Variants in RPTOR observed in about 807,000 individuals in gnomAD.
RPTOR encodes the protein regulatory-associated protein of mTOR.
In RPTOR, 21 loss-of-function variants were observed where a neutral mutation model predicts 169.9. The ratio of observed to expected loss-of-function variants is 0.12; its 90% CI spans 0.09 to 0.18. The LOEUF is 0.18. RPTOR is among the 10% of genes least tolerant of loss of function. The pLI, the probability that RPTOR is intolerant of heterozygous loss-of-function variation, is 1.00. For synonymous variants in RPTOR, 732 were observed against 753.2 expected, an observed-to-expected ratio of 0.97 and a Z score of 0.46; for missense variants, 1,133 against 1,855.9, an observed-to-expected ratio of 0.61 and a Z score of 7.16.
At chr17:80,563,521 C>T (rs868186901) in intron 1 of RPTOR, among the ~76,000 whole-genome samples, 2 of 140,336 alleles carry the variant, frequency 1.4e-5, no homozygotes, top group East Asian at 2.1e-4. Flanking sequence ...GCCGAGACTG[C>T]GCCACTGCAT....
At chr17:80,916,048 G>C (rs2068669917) in intron 21 of RPTOR, among the ~76,000 whole-genome samples, 1 of 152,128 alleles carries the variant, frequency 6.6e-6, no homozygotes, top group African/African-American at 2.4e-5. Context: ...ACCTCCACTT[G>C]TCCGTGTACC....
chr17:80,719,203 G>A (rs948231286), intron 4 of RPTOR, among the ~76,000 whole-genome samples: 1 of 152,160 alleles, frequency 6.6e-6, no homozygotes, highest in African/African-American at 2.4e-5. Context: ...AATCTGGGGA[G>A]CAGAAGAGGA....
chr17:80,767,504 A>G lies in RPTOR; in HGVS notation c.830+13319A>G, dbSNP rs2066799833. ...TGAAAGACACAAGTTATCAAATCTG[A>G]CAGAAGAATAAAAAGAAAATTTGGA... is the stretch of plus-strand genomic sequence containing the variant. On this transcript the variant is annotated intron_variant, in intron 6 of 33. Coordinates refer to ENST00000306801, the MANE Select transcript of RPTOR (RefSeq NM_020761.3). 9.8e-5 allele frequency among the ~76,000 whole-genome samples: 15 copies of G among 152,372 alleles called. No homozygotes were observed. In the South Asian group the frequency reaches 3.1e-3, roughly 32 times the overall value.
intron 20 of RPTOR, 58 bp from the exon 21 acceptor site, chr17:80,908,753 T>A: frequency 1.6e-6 from 2 of 1,279,738 alleles, no homozygotes; most frequent in Non-Finnish European, 2.3e-6. Flanking sequence ...TGCAGCCGCC[T>A]TAGGAGCCTC....
intron 4 of RPTOR, among the ~76,000 whole-genome samples, chr17:80,727,155 C>T (rs58418838): frequency 0.3 from 44,005 of 147,314 alleles, 8,058 homozygotes; most frequent in East Asian, 0.5. Context: ...CTTCCTGCTC[C>T]GAGAACGTGA....
At chr17:80,658,938 C>T (rs1340282222) in intron 3 of RPTOR, among the ~76,000 whole-genome samples, 1 of 152,200 alleles carries the variant, frequency 6.6e-6, no homozygotes, top group African/African-American at 2.4e-5. Flanking sequence ...CTTACATCAA[C>T]ATCTTTGAAA....
chr17:80,582,228 A>G (rs1215966610), intron 1 of RPTOR, among the ~76,000 whole-genome samples: 1 of 152,212 alleles, frequency 6.6e-6, no homozygotes, highest in East Asian at 1.9e-4. Context: ...GATTCAGAGG[A>G]CAGCTCAGCT....
intron 13 of RPTOR, among the ~76,000 whole-genome samples, chr17:80,869,789 A>C (rs2068032520): frequency 6.6e-6 from 1 of 152,338 alleles, no homozygotes; most frequent in Admixed American, 6.5e-5. Context: ...GCTATCTGCA[A>C]CTTTCACACA....
intron 30 of RPTOR, 103 bp from the exon 31 acceptor site, chr17:80,961,291 A>T: frequency 9.2e-7 from 1 of 1,089,284 alleles, no homozygotes; most frequent in Non-Finnish European, 1.3e-6. Context: ...GGGCCTGCGG[A>T]CCCGCTGGCA....
chr17:80,882,878 C>T (rs2068201351), intron 14 of RPTOR, among the ~76,000 whole-genome samples: 1 of 152,150 alleles, frequency 6.6e-6, no homozygotes, highest in Admixed American at 6.5e-5. Context: ...GACCGCGCGA[C>T]GTGTGTGTAA....
intron 13 of RPTOR, 109 bp downstream of exon 13, chr17:80,858,009 C>G: frequency 1.2e-6 from 1 of 836,616 alleles, no homozygotes; most frequent in African/African-American, 1.7e-5. Context: ...GCTCCCTCTC[C>G]AGGCACCGCC....
intron 17 of RPTOR, among the ~76,000 whole-genome samples, chr17:80,890,383 C>G (rs2068305772): frequency 6.6e-6 from 1 of 152,258 alleles, no homozygotes; most frequent in South Asian, 2.1e-4. Context: ...CAGTGCCTCA[C>G]TCCTCTTGCA....
chr17:80,547,587 G>C (rs9916171), intron 1 of RPTOR, among the ~76,000 whole-genome samples: 1 of 152,030 alleles, frequency 6.6e-6, no homozygotes, highest in East Asian at 1.9e-4. Flanking sequence ...CTGTTTTTCG[G>C]TGGAGAAAAT....
chr17:80,890,413 T>G lies in RPTOR; in HGVS notation c.1984-1307T>G, dbSNP rs370262242. Among the ~76,000 whole-genome samples, 10 of 152,298 alleles carry G rather than the reference T, an allele frequency of 6.6e-5. 1 individual carries two copies. Among genetic ancestry groups the G allele is most frequent in the African/African-American group, 2.4e-4 (10 of 41,570 alleles). Reference sequence around the variant, plus strand: ...CTTGCACAGGGAAGGCAGCGGGGGTTCTGTGGTTTGCCAGGGGAGCCTGGG... The same window carrying G: ...CTTGCACAGGGAAGGCAGCGGGGGTGCTGTGGTTTGCCAGGGGAGCCTGGG... On this transcript the variant is annotated intron_variant, in intron 17 of 33. Coordinates refer to ENST00000306801, the MANE Select transcript of RPTOR (RefSeq NM_020761.3).
intron 4 of RPTOR, among the ~76,000 whole-genome samples, chr17:80,724,720 G>A (rs1037366337): frequency 1.3e-5 from 2 of 152,206 alleles, no homozygotes; most frequent in African/African-American, 2.4e-5. Context: ...CTTCCAGAGG[G>A]CGACTGTCTG....
intron 2 of RPTOR, among the ~76,000 whole-genome samples, chr17:80,638,374 G>A (rs890453590): frequency 6.6e-6 from 1 of 151,730 alleles, no homozygotes; most frequent in African/African-American, 2.4e-5. Context: ...GCTCTTTGGG[G>A]CTTATGGTTT....
intron 16 of RPTOR, among the ~76,000 whole-genome samples, chr17:80,884,651 G>A (rs1326278420): frequency 6.6e-6 from 1 of 152,196 alleles, no homozygotes; most frequent in Non-Finnish European, 1.5e-5. Flanking sequence ...AGGAGTGCCT[G>A]CGCCCTCCCC....
rs142691468 is a variant in RPTOR, at chr17:80,847,018, C to T, written c.1314+444C>T. On this transcript the variant is annotated intron_variant, in intron 11 of 33. Transcript: ENST00000306801. ...GAAGGACAGGAGATGGCAGTGAATC[C>T]GGGAGAGGAGGGAGGAGGCTCCCTG... Among the ~76,000 whole-genome samples, 359 of 152,324 alleles carry T rather than the reference C, an allele frequency of 2.4e-3. No individual in the cohort carries two copies. In the Middle Eastern group the frequency reaches 0.024, roughly 10 times the overall value.
intron 24 of RPTOR, among the ~76,000 whole-genome samples, chr17:80,939,381 GCA>G (rs757412926): frequency 2.0e-5 from 3 of 152,160 alleles, no homozygotes; most frequent in African/African-American, 4.8e-5. Flanking sequence ...TCGCACACAC[GCA>G]CACACACGCA....
Sources: gnomAD v4.1 joint callset for allele counts (sites outside exome capture counted in the v4.1 genomes callset) on GRCh38, gnomAD v4.1.1 for gene constraint, MANE v1.5 for transcripts, NCBI Gene and HGNC (gene_info 2026-07-23, HGNC 2026-07-21) for gene names.